RASAL2: variants seen among roughly 807,000 people sequenced by gnomAD.
RASAL2 encodes RAS protein activator like 2.
RASAL2 carries 58 observed loss-of-function variants against 128.9 expected under a neutral mutation model. The observed-to-expected ratio is 0.45, with a 90% CI of 0.36 to 0.56. The LOEUF is 0.56. Among genes scored for constraint, RASAL2 ranks in the 20% least tolerant of loss-of-function variants. The probability of loss-of-function intolerance (pLI) is 0.00; values close to 1 mark genes in which losing one functional copy is unlikely to be tolerated. For missense variants in RASAL2, 1,360 were observed against 1,601.6 expected (o/e 0.85, Z 2.57); for synonymous variants, 561 against 580.8 (o/e 0.97, Z 0.49).
chr1:178,168,293 G>C (rs1224514176), intron 1 of RASAL2, among the ~76,000 whole-genome samples: 1 of 149,276 alleles, frequency 6.7e-6, no homozygotes, highest in Non-Finnish European at 1.5e-5. Flanking sequence ...AAAAACTGTA[G>C]ACCAGAAAAT....
At chr1:178,350,565 G>A (rs536862796) in intron 3 of RASAL2, among the ~76,000 whole-genome samples, 2 of 152,190 alleles carry the variant, frequency 1.3e-5, no homozygotes, top group Admixed American at 6.5e-5. Context: ...GAAGTCTAGG[G>A]AGAGTGCAGC....
Position 178,465,939 on chromosome 1 carries a change from A to G in RASAL2, c.3407A>G (p.Lys1136Arg), listed in dbSNP as rs1647633681. The G allele has an allele frequency of 6.4e-7, 1 of 1,552,844 alleles. No homozygotes were observed. The highest frequency in any genetic ancestry group is 1.4e-5 in the African/African-American group (1 of 73,152). Residue 1136 changes from lysine (K) to arginine (R), a missense_variant, in exon 16 of 18, where the codon AAA becomes AGA. Lys to Arg is a conservative substitution (Grantham distance 26, BLOSUM62 2). Coordinates refer to ENST00000367649, the MANE Select transcript of RASAL2 (RefSeq NM_170692.4). ...HAEKYEQEIT[K>R]LKERLRVSSR... is the part of the protein sequence containing the mutation. ...CCCTAGTATGAACAAGAAATTACTA[A>G]ACTGAAGGAGCGCCTGAGAGTTTCC...
intron 1 of RASAL2, among the ~76,000 whole-genome samples, chr1:178,206,953 T>C (rs540719443): frequency 1.3e-5 from 2 of 152,224 alleles, no homozygotes; most frequent in Admixed American, 1.3e-4. Flanking sequence ...GGCAGTGGGA[T>C]TGCTTAAGCT....
At chr1:178,433,370 G>T (rs568064912) in intron 5 of RASAL2, among the ~76,000 whole-genome samples, 1 of 151,748 alleles carries the variant, frequency 6.6e-6, no homozygotes, top group African/African-American at 2.4e-5. Context: ...ATCCTTTTTC[G>T]TAAGTCTTGT....
At chr1:178,247,781 T>C (rs1664841943) in intron 1 of RASAL2, among the ~76,000 whole-genome samples, 1 of 152,214 alleles carries the variant, frequency 6.6e-6, no homozygotes, top group Admixed American at 6.5e-5. Flanking sequence ...TTTATTCTCA[T>C]TGGTTTCAAA....
intron 3 of RASAL2, among the ~76,000 whole-genome samples, chr1:178,320,031 A>C (rs1352201326): frequency 6.6e-6 from 1 of 151,506 alleles, no homozygotes; most frequent in East Asian, 1.9e-4. Context: ...CCTCAGCTGC[A>C]GGTCTGTTGG....
intron 1 of RASAL2, among the ~76,000 whole-genome samples, chr1:178,116,679 G>A (rs973930046): frequency 1.3e-5 from 2 of 151,808 alleles, no homozygotes; most frequent in Non-Finnish European, 2.9e-5. Flanking sequence ...GCACGATCTC[G>A]GCTCACTGCA....
In RASAL2 at chr1:178,371,341, C is replaced by CACACACAAAT. The variant is rs1553222406; in HGVS notation, c.458-18752_458-18751insAATACACACA. On this transcript the variant is annotated intron_variant, in intron 3 of 17. Coordinates refer to ENST00000367649, the MANE Select transcript of RASAL2 (RefSeq NM_170692.4). The stretch of plus-strand genomic sequence containing the variant: ...TCTTTCCCACACACACACACACACA[C>CACACACAAAT]ACACACACACAAATACACACACACA... Among the ~76,000 whole-genome samples, 456 of 137,780 alleles carry CACACACAAAT rather than the reference C, an allele frequency of 3.3e-3. 4 individuals carry two copies. Among genetic ancestry groups the CACACACAAAT allele is most frequent in the African/African-American group, 0.014 (438 of 32,306 alleles). The allele number at this position is 137,780 out of a possible 152,430, so 90.4% of individuals were successfully genotyped here.
intron 1 of RASAL2, among the ~76,000 whole-genome samples, chr1:178,269,125 C>T (rs951121592): frequency 1.2e-4 from 19 of 152,084 alleles, no homozygotes; most frequent in Non-Finnish European, 5.9e-5. Context: ...TTTAATAGGG[C>T]CGTTGCCCTT....
At chr1:178,170,557 A>T (rs1290677099) in intron 1 of RASAL2, among the ~76,000 whole-genome samples, 1 of 151,624 alleles carries the variant, frequency 6.6e-6, no homozygotes, top group South Asian at 2.1e-4. Context: ...TTTTTATAGC[A>T]TATTTTTCAA....
rs569260665 is a variant in RASAL2 at position 178,322,530 on chromosome 1, C to T, written c.457+22412C>T. On this transcript the variant is annotated intron_variant, in intron 3 of 17. Coordinates refer to ENST00000367649, the MANE Select transcript of RASAL2 (RefSeq NM_170692.4). The stretch of plus-strand genomic sequence containing the variant: ...CTTTGATTAGTTTCCCTTCTTTGTT[C>T]CTTCCCTCCCCAACAACCTGTTCTC... 7.2e-5 allele frequency among the ~76,000 whole-genome samples: 11 copies of T among 152,292 alleles called. No individual in the cohort carries two copies. In the South Asian group the frequency reaches 1.2e-3, roughly 17 times the overall value.
intron 3 of RASAL2, among the ~76,000 whole-genome samples, chr1:178,365,429 C>CTGTTATGTTATGTTATGTTATGTTA (rs71567192): frequency 2.8e-5 from 4 of 141,492 alleles, no homozygotes; most frequent in Non-Finnish European, 3.1e-5. Context: ...CTCTAGTTGC[C>CTGTTATGTTATGTTATGTTATGTTA]TGTTATGTTA....
intron 3 of RASAL2, among the ~76,000 whole-genome samples, chr1:178,336,392 C>G (rs923740614): frequency 2.6e-5 from 4 of 151,808 alleles, no homozygotes; most frequent in African/African-American, 9.7e-5. Context: ...TATGCTTTTT[C>G]TAAATAGATT....
intron 1 of RASAL2, among the ~76,000 whole-genome samples, chr1:178,261,748 C>CAAAAAA (rs1665704624): frequency 6.7e-6 from 1 of 149,316 alleles, no homozygotes; most frequent in African/African-American, 2.4e-5. Context: ...AACCCCGTCT[C>CAAAAAA]TACTAAAAAT....
chr1:178,306,194 A>G (rs1003419165), intron 3 of RASAL2, among the ~76,000 whole-genome samples: 2 of 152,148 alleles, frequency 1.3e-5, no homozygotes, highest in Admixed American at 6.6e-5. Flanking sequence ...GATGATTTCC[A>G]ATTTCATCCA....
chr1:178,474,505 C>T lies in RASAL2; in HGVS notation c.*1266C>T, dbSNP rs563988301. ...ACATTCCAGTTATTATTCCAATGCT[C>T]GTAGATCTGACAATAATGACCCAAT... On this transcript the variant is annotated 3_prime_UTR_variant, in exon 18 of 18. Coordinates refer to ENST00000367649, the MANE Select transcript of RASAL2 (RefSeq NM_170692.4). 2.0e-5 allele frequency: 3 copies of T among 152,190 alleles called. No individual in the cohort carries two copies. Among genetic ancestry groups the T allele is most frequent in the African/African-American group, 7.2e-5 (3 of 41,504 alleles). The allele number at this position is 152,190 out of a possible 1,614,324, so 9.4% of individuals were successfully genotyped here. A position where few individuals can be genotyped will look rare whatever the true frequency, so the allele number is the denominator to read the frequency against.
intron 14 of RASAL2, among the ~76,000 whole-genome samples, chr1:178,460,418 A>G (rs1678105430): frequency 6.6e-6 from 1 of 152,134 alleles, no homozygotes; most frequent in Non-Finnish European, 1.5e-5. Context: ...ATCTGGAACC[A>G]GTTGTCATTT....
intron 3 of RASAL2, among the ~76,000 whole-genome samples, chr1:178,383,204 T>C (rs1412383051): frequency 6.6e-6 from 1 of 152,176 alleles, no homozygotes; most frequent in East Asian, 1.9e-4. Flanking sequence ...TTTGTACATA[T>C]TGGAGTGTGT....
At position 178,300,001 on chromosome 1, in the gene RASAL2, G is replaced by C. The variant is rs1184326291; in HGVS notation, c.340G>C (p.Glu114Gln). Reference sequence around the variant, plus strand: ...GCTTTTGATTAACTAGATACCTGTGGAAGGGGGACAGGAGCAGCAGACAGA... The same window carrying C: ...GCTTTTGATTAACTAGATACCTGTGCAAGGGGGACAGGAGCAGCAGACAGA... ...LLNKEKEIPV[E>Q]GGQEQQTDST... The change falls in exon 3 of 18, where the codon GAA (glutamate) becomes CAA (glutamine). Residue 114 changes from glutamate to glutamine, a missense_variant. By Grantham distance (29) the Glu-to-Gln change is conservative. This residue lies in a region of RASAL2 where 617 missense variants were observed against 714.2 expected (regional missense o/e 0.86). Coordinates refer to ENST00000367649, the MANE Select transcript of RASAL2 (RefSeq NM_170692.4). 2 of 1,613,612 alleles carry C rather than the reference G, an allele frequency of 1.2e-6. No individual in the cohort carries two copies. The highest frequency in any genetic ancestry group is 4.5e-5 in the East Asian group (2 of 44,880).
Sources: gnomAD v4.1 joint callset for allele counts (sites outside exome capture counted in the v4.1 genomes callset) on GRCh38, gnomAD v4.1.1 for gene constraint, gnomAD v4.1.1 regional missense constraint, MANE v1.5 for transcripts, NCBI Gene and HGNC (gene_info 2026-07-23, HGNC 2026-07-21) for gene names.